The following CFAP299 variants were observed in gnomAD, a reference collection of about 807,000 sequenced individuals.
CFAP299 encodes the protein cilia and flagella associated protein 299, also known as cilia- and flagella-associated protein 299.
In CFAP299, 21 loss-of-function variants were observed where a neutral mutation model predicts 27.0. The observed-to-expected ratio is 0.78, with a 90% CI of 0.55 to 1.12. The LOEUF (loss-of-function observed/expected upper bound fraction) is 1.12, where lower values mean the gene tolerates loss of function less well. Ranked by LOEUF, CFAP299 falls within the 50% of genes most tolerant of loss-of-function variation. The pLI, the probability that CFAP299 is intolerant of heterozygous loss-of-function variation, is 0.00. For synonymous variants in CFAP299, 104 were observed against 98.1 expected, an observed-to-expected ratio of 1.06 and a Z score of -0.36; for missense variants, 310 against 276.6, an observed-to-expected ratio of 1.12 and a Z score of -0.86.
At chr4:80,888,718 G>A (rs1200562141) in intron 4 of CFAP299, among the ~76,000 whole-genome samples, 1 of 151,228 alleles carries the variant, frequency 6.6e-6, no homozygotes, top group African/African-American at 2.4e-5. Flanking sequence ...CCATATGTTA[G>A]GTCACAAAAC....
chr4:80,812,004 G>A (rs116547410), intron 3 of CFAP299, among the ~76,000 whole-genome samples: 168 of 152,154 alleles, frequency 1.1e-3, no homozygotes, highest in African/African-American at 3.8e-3. Context: ...AAATGGTCAC[G>A]TGAAACAGGA....
intron 2 of CFAP299, among the ~76,000 whole-genome samples, chr4:80,576,198 ATATATAT>A (rs1246275062): frequency 5.7e-5 from 1 of 17,534 alleles, no homozygotes; most frequent in African/African-American, 9.1e-5. Context: ...AAAAAAAAAA[ATATATAT>A]ATATATATAT....
At chr4:80,394,534 C>T (rs1210252165) in intron 2 of CFAP299, among the ~76,000 whole-genome samples, 1 of 151,408 alleles carries the variant, frequency 6.6e-6, no homozygotes, top group Non-Finnish European at 1.5e-5. Context: ...CTATGTTTTT[C>T]TCTAGTATTT....
intron 2 of CFAP299, among the ~76,000 whole-genome samples, chr4:80,383,376 C>T (rs555109216): frequency 7.9e-5 from 12 of 152,068 alleles, no homozygotes; most frequent in South Asian, 2.1e-4. Flanking sequence ...AAAATATTGA[C>T]GTCACATAAT....
chr4:80,387,124 G>C (rs1358471677), intron 2 of CFAP299: 23 of 1,419,714 alleles, frequency 1.6e-5, no homozygotes, highest in Non-Finnish European at 2.2e-5. Context: ...GATATTTGTT[G>C]ACACGTTTGA....
intron 3 of CFAP299, among the ~76,000 whole-genome samples, chr4:80,827,952 A>C (rs756186919): frequency 1.3e-5 from 2 of 152,094 alleles, no homozygotes; most frequent in Non-Finnish European, 2.9e-5. Flanking sequence ...TGTTTATAAT[A>C]ATATGAAATA....
intron 2 of CFAP299, among the ~76,000 whole-genome samples, chr4:80,571,924 C>A (rs1391805271): frequency 6.6e-6 from 1 of 152,166 alleles, no homozygotes; most frequent in Non-Finnish European, 1.5e-5. Flanking sequence ...TTTGCCACGG[C>A]AGCCCAAACT....
At chr4:80,888,019 A>G (rs1487821705) in intron 4 of CFAP299, among the ~76,000 whole-genome samples, 1 of 152,104 alleles carries the variant, frequency 6.6e-6, no homozygotes, top group Non-Finnish European at 1.5e-5. Context: ...GTATATCACC[A>G]GAGAAAAATC....
intron 2 of CFAP299, chr4:80,388,610 TG>T: frequency 1.4e-6 from 2 of 1,405,782 alleles, no homozygotes; most frequent in Non-Finnish European, 2.0e-6. Flanking sequence ...ATTGACACTC[TG>T]GCCTCTGGGA....
At chr4:80,870,412 C>T in intron 4 of CFAP299, 1 of 1,075,974 alleles carries the variant, frequency 9.3e-7, no homozygotes, top group South Asian at 3.6e-5. Flanking sequence ...TTGTTAACCT[C>T]ATGAGGCTTT....
chr4:80,473,580 T>A (rs774185052), intron 2 of CFAP299, among the ~76,000 whole-genome samples: 18 of 151,252 alleles, frequency 1.2e-4, no homozygotes, highest in Non-Finnish European at 2.5e-4. Flanking sequence ...AAAAATAGAT[T>A]TTTTTTTTGA....
chr4:80,389,437 A>T (rs894316015), intron 2 of CFAP299, among the ~76,000 whole-genome samples: 2 of 152,198 alleles, frequency 1.3e-5, no homozygotes, highest in Admixed American at 6.5e-5. Context: ...TGGGAAATTA[A>T]AAATTAAGGC....
chr4:80,866,093 A>ATATATATATATATATATATATC (rs1249405090), intron 3 of CFAP299, among the ~76,000 whole-genome samples: 6 of 127,268 alleles, frequency 4.7e-5, no homozygotes, highest in Non-Finnish European at 9.9e-5. Flanking sequence ...ATATATATAT[A>ATATATATATATATATATATATC]TATCTTCCCA....
At chr4:80,826,201 T>C (rs1405808257) in intron 3 of CFAP299, among the ~76,000 whole-genome samples, 2 of 151,628 alleles carry the variant, frequency 1.3e-5, no homozygotes, top group Non-Finnish European at 3.0e-5. Flanking sequence ...ATCCCCATCA[T>C]AAGCACAAAC....
At chr4:80,631,533 T>A (rs1436943307) in intron 3 of CFAP299, among the ~76,000 whole-genome samples, 1 of 152,156 alleles carries the variant, frequency 6.6e-6, no homozygotes, top group Non-Finnish European at 1.5e-5. Flanking sequence ...TTTTTCTTTA[T>A]GCTTCATGAT....
intron 4 of CFAP299, among the ~76,000 whole-genome samples, chr4:80,893,877 A>T (rs184181211): frequency 6.6e-6 from 1 of 152,086 alleles, no homozygotes; most frequent in East Asian, 1.9e-4. Context: ...ATTGCATCTA[A>T]CAAAAGCTTC....
intron 2 of CFAP299, among the ~76,000 whole-genome samples, chr4:80,469,108 G>A (rs773666929): frequency 6.6e-6 from 1 of 152,166 alleles, no homozygotes. Flanking sequence ...TTCTTAATAT[G>A]TGGTCCTTAA....
intron 3 of CFAP299, among the ~76,000 whole-genome samples, chr4:80,604,120 C>G (rs746321304): frequency 2.8e-4 from 42 of 152,126 alleles, no homozygotes; most frequent in Middle Eastern, 3.4e-3. Context: ...GGAGCTTGGC[C>G]TAGGGAAGGG....
chr4:80,706,361 A>G (rs954356677), intron 3 of CFAP299, among the ~76,000 whole-genome samples: 1 of 151,840 alleles, frequency 6.6e-6, no homozygotes, highest in Non-Finnish European at 1.5e-5. Flanking sequence ...TCCCACTTAT[A>G]TTAAATCTTG....
Sources: allele counts gnomAD v4.1 joint callset (sites outside exome capture counted in the v4.1 genomes callset), GRCh38; gene constraint gnomAD v4.1.1; transcripts MANE v1.5; gene names NCBI Gene and HGNC (gene_info 2026-07-23, HGNC 2026-07-21).